MYH7B: variants seen among roughly 807,000 people sequenced by gnomAD.
The protein encoded by MYH7B is myosin heavy chain 7B.
A neutral mutation model predicts 234.5 loss-of-function variants in MYH7B; 205 were observed. That is an observed-to-expected ratio of 0.87 (90% confidence interval 0.78 to 0.98). MYH7B has a LOEUF of 0.98. MYH7B is among the 50% of genes least tolerant of loss of function. The pLI is 0.00. For synonymous variants in MYH7B, 1,193 were observed against 1,105.0 expected (o/e 1.08, Z -1.58); for missense variants, 2,652 against 2,633.4 (o/e 1.01, Z -0.15).
chr20:34,981,231 C>A, intron 9 of MYH7B, 171 bp downstream of exon 9: 2 of 750,562 alleles, frequency 2.7e-6, no homozygotes, highest in Non-Finnish European at 2.2e-6. Flanking sequence ...CTTTCCCTGC[C>A]CCCATTCTGA....
At chr20:34,980,952 C>G in intron 8 of MYH7B, 81 bp from the exon 9 acceptor site, 1 of 1,590,188 alleles carries the variant, frequency 6.3e-7, no homozygotes, top group Non-Finnish European at 8.6e-7. Context: ...GGGGTCTGCC[C>G]CAGATGGATA....
At chr20:34,979,872 C>A (rs1035717438) in intron 7 of MYH7B, 68 bp downstream of exon 7, 1 of 1,492,772 alleles carries the variant, frequency 6.7e-7, no homozygotes, top group Non-Finnish European at 9.0e-7. Flanking sequence ...AGATGAGGTG[C>A]TGGGGGCGGG....
exon 12 of MYH7B, chr20:34,984,936 C>A: frequency 6.2e-7 from 1 of 1,613,788 alleles, no homozygotes; most frequent in Non-Finnish European, 8.5e-7. Context: ...AATGATAACT[C>A]CTCCCGCTTT....
chr20:34,964,270 C>T (rs572164335), intron 2 of MYH7B, among the ~76,000 whole-genome samples: 8 of 151,690 alleles, frequency 5.3e-5, no homozygotes, highest in South Asian at 2.1e-4. Context: ...TGATGTGAAA[C>T]GGTGTCTCGT....
chr20:34,977,815 A>G (rs2081879995), intron 4 of MYH7B, 119 bp from the exon 5 acceptor site: 2 of 1,504,434 alleles, frequency 1.3e-6, no homozygotes, highest in Admixed American at 1.7e-5. Flanking sequence ...GTGTGCATGT[A>G]TGCTGGGCAC....
rs370253211 is a variant in MYH7B at position 34,994,367 on chromosome 20, A to T, written c.2666A>T (p.Gln889Leu). Residue 889 changes from glutamine (Q) to leucine (L), a missense_variant, in exon 27 of 45, where the codon CAG (glutamine) becomes CTG (leucine). By Grantham distance (113) the Gln-to-Leu change is moderately radical (BLOSUM62 -2). Around this residue, in one of 3 missense-constraint regions of MYH7B, gnomAD observed 2,279 missense variants for 2,211.4 expected, o/e 1.03. Transcript: ENST00000262873. ...GAGGAGACGCACGTCAGCATCACCC[A>T]GGAGAAGAATGACCTGGCCCTGCAG... is the stretch of plus-strand genomic sequence containing the variant. 158 of 1,596,802 alleles carry T rather than the reference A, an allele frequency of 9.9e-5. No homozygotes were observed. Among genetic ancestry groups the T allele is most frequent in the Non-Finnish European group, 1.3e-4 (152 of 1,170,482 alleles).
chr20:34,977,134 GTTC>G (rs1289904881), intron 3 of MYH7B, among the ~76,000 whole-genome samples: 1 of 137,112 alleles, frequency 7.3e-6, no homozygotes, highest in Non-Finnish European at 1.5e-5. Context: ...TTTTTGATCT[GTTC>G]TTCTCCTTCT....
exon 39 of MYH7B, chr20:35,000,342 G>A: frequency 6.3e-7 from 1 of 1,597,172 alleles, no homozygotes; most frequent in Non-Finnish European, 8.5e-7. Context: ...CCTGGATGCA[G>A]AGACACGGGC....
chr20:34,983,279 C>CTTTCT (rs143748355), intron 10 of MYH7B, among the ~76,000 whole-genome samples: 2 of 125,770 alleles, frequency 1.6e-5, no homozygotes, highest in Non-Finnish European at 3.3e-5. Context: ...TTTCTTTTTT[C>CTTTCT]TTTCTTTTCT....
At chr20:34,964,894 G>A (rs2098914541) in intron 2 of MYH7B, among the ~76,000 whole-genome samples, 1 of 152,110 alleles carries the variant, frequency 6.6e-6, no homozygotes, top group African/African-American at 2.4e-5. Context: ...AACTTTCCTT[G>A]TTTAATCTAC....
chr20:34,997,475 C>A, exon 32 of MYH7B: 1 of 1,532,750 alleles, frequency 6.5e-7, no homozygotes. Flanking sequence ...GGCACGAGGC[C>A]ACAGTGGCGG....
intron 19 of MYH7B, among the ~76,000 whole-genome samples, chr20:34,988,762 C>T (rs1376054844): frequency 8.6e-5 from 13 of 151,368 alleles, no homozygotes; most frequent in African/African-American, 2.9e-4. Context: ...CTATCACAGC[C>T]AGTCACATGA....
chr20:35,002,230 G>A (rs1448931285), exon 45 of MYH7B: 2 of 1,501,658 alleles, frequency 1.3e-6, no homozygotes, highest in Admixed American at 2.1e-5. Flanking sequence ...GTCTGCTGTT[G>A]CACATCTGGC....
rs549949217 is a variant in MYH7B at position 34,982,395 on chromosome 20, G to A, written c.528-64G>A. On this transcript the variant is annotated intron_variant, in intron 9 of 44. Coordinates refer to ENST00000262873, the Ensembl canonical transcript of MYH7B. ...TGGAGGGCTCTGCTTGAGGGGTGAG[G>A]CATTGGGGGTGGGGGAGAATTAGGC... 3.6e-6 allele frequency: 5 copies of A among 1,396,574 alleles called. No individual in the cohort carries two copies. The East Asian group carries it at 9.2e-5, about 26-fold the overall frequency. The allele number at this position is 1,396,574 out of a possible 1,614,324, so 86.5% of individuals were successfully genotyped here. A position where few individuals can be genotyped will look rare whatever the true frequency, so the allele number is the denominator to read the frequency against.
intron 2 of MYH7B, among the ~76,000 whole-genome samples, chr20:34,962,585 C>T (rs1017008348): frequency 1.3e-5 from 2 of 150,814 alleles, no homozygotes; most frequent in Non-Finnish European, 3.0e-5. Flanking sequence ...CTATATGCAT[C>T]CTCTCATATG....
chr20:34,980,076 A>G (rs1467497026), intron 7 of MYH7B: 3 of 504,772 alleles, frequency 5.9e-6, no homozygotes, highest in African/African-American at 1.9e-5. Flanking sequence ...CCTGCGGACT[A>G]TGGAGGCCGT....
At chr20:34,960,190 C>G (rs985419061) in intron 2 of MYH7B, among the ~76,000 whole-genome samples, 1 of 152,104 alleles carries the variant, frequency 6.6e-6, no homozygotes, top group Non-Finnish European at 1.5e-5. Flanking sequence ...TGTGTCTTGC[C>G]TTTCTCCCTG....
At chr20:34,990,271 G>A in exon 22 of MYH7B, 1 of 1,614,198 alleles carries the variant, frequency 6.2e-7, no homozygotes, top group Non-Finnish European at 8.5e-7. Context: ...AGAAGCGTAA[G>A]AAGGCAGCAT....
intron 4 of MYH7B, 58 bp downstream of exon 4, chr20:34,977,738 G>GGGGGGGGGGAGGC: frequency 3.2e-6 from 1 of 317,154 alleles, no homozygotes; most frequent in East Asian, 8.2e-5. Context: ...GGGCGGGTGG[G>GGGGGGGGGGAGGC]TGAGGGTGCC....
Sources: gnomAD v4.1 joint callset for allele counts (sites outside exome capture counted in the v4.1 genomes callset) on GRCh38, gnomAD v4.1.1 for gene constraint, gnomAD v4.1.1 regional missense constraint, MANE v1.5 for transcripts, NCBI Gene and HGNC (gene_info 2026-07-23, HGNC 2026-07-21) for gene names.